The following SGK3 variants were observed in gnomAD, a reference collection of about 807,000 sequenced individuals.
SGK3 encodes the protein serum/glucocorticoid regulated kinase family member 3.
In SGK3, 47 loss-of-function variants were observed where a neutral mutation model predicts 68.5. The ratio of observed to expected loss-of-function variants is 0.69; its 90% CI spans 0.54 to 0.87. The LOEUF is 0.87. SGK3 is among the 40% of genes least tolerant of loss of function. The pLI, the probability that SGK3 is intolerant of heterozygous loss-of-function variation, is 0.00. For synonymous variants in SGK3, 181 were observed against 189.1 expected, an observed-to-expected ratio of 0.96 and a Z score of 0.35; for missense variants, 479 against 575.5, an observed-to-expected ratio of 0.83 and a Z score of 1.72.
intron 10 of SGK3, among the ~76,000 whole-genome samples, chr8:66,836,460 G>A (rs1809536895): frequency 6.6e-6 from 1 of 152,104 alleles, no homozygotes; most frequent in Non-Finnish European, 1.5e-5. Context: ...TTAATCAGAT[G>A]AGATAATCCT....
intron 6 of SGK3, 92 bp from the exon 7 acceptor site, chr8:66,828,562 T>C: frequency 6.4e-7 from 1 of 1,569,132 alleles, no homozygotes; most frequent in Non-Finnish European, 8.7e-7. Flanking sequence ...AACCAAATAT[T>C]TGTGGTACAG....
chr8:66,841,684 G>C (rs946298925), intron 13 of SGK3, among the ~76,000 whole-genome samples: 2 of 152,054 alleles, frequency 1.3e-5, no homozygotes, highest in Admixed American at 6.6e-5. Flanking sequence ...GAAATATTTT[G>C]TAACAAAATT....
At chr8:66,843,681 C>A in intron 14 of SGK3, 134 bp downstream of exon 14, 2 of 890,604 alleles carry the variant, frequency 2.2e-6, no homozygotes, top group Non-Finnish European at 3.3e-6. Context: ...TAAATGAACC[C>A]AAACCCACAT....
At position 66,832,290 on chromosome 8, in the gene SGK3, A is replaced by G. The variant is rs532688788; in HGVS notation, c.525+979A>G. ...TAGATGAAGTTATCAGAATCATCGA[A>G]TATATTTAAGTGCTTTTTTTACAGT... On this transcript the variant is annotated intron_variant, in intron 8 of 16. Transcript: ENST00000521198. 1.3e-5 allele frequency among the ~76,000 whole-genome samples: 2 copies of G among 152,210 alleles called. 1 individual carries two copies. Among genetic ancestry groups the G allele is most frequent in the African/African-American group, 4.8e-5 (2 of 41,448 alleles).
intron 1 of SGK3, among the ~76,000 whole-genome samples, chr8:66,761,760 C>T (rs1366379005): frequency 6.6e-6 from 1 of 151,776 alleles, no homozygotes; most frequent in East Asian, 1.9e-4. Flanking sequence ...CAGAGTGAGA[C>T]TCTCTCTAAA....
chr8:66,844,695 A>G (rs1809936896), intron 14 of SGK3, among the ~76,000 whole-genome samples: 1 of 152,210 alleles, frequency 6.6e-6, no homozygotes, highest in African/African-American at 2.4e-5. Context: ...GTTAAATGCC[A>G]CTGTCAGCCA....
intron 3 of SGK3, among the ~76,000 whole-genome samples, chr8:66,803,218 C>G (rs781310200): frequency 6.6e-6 from 1 of 152,100 alleles, no homozygotes; most frequent in African/African-American, 2.4e-5. Context: ...ACGTATTTTT[C>G]AGTCTGCATT....
At chr8:66,793,111 T>C (rs542833287) in intron 1 of SGK3, among the ~76,000 whole-genome samples, 2 of 152,348 alleles carry the variant, frequency 1.3e-5, no homozygotes, top group Admixed American at 1.3e-4. Flanking sequence ...TCCACAGTTA[T>C]AATGCAGCAT....
chr8:66,839,977 CCCCA>C, intron 10 of SGK3, 22 bp from the exon 11 acceptor site: 1 of 1,597,730 alleles, frequency 6.3e-7, no homozygotes. Context: ...TTCTCTCTCC[CCCCA>C]CCCCCACAAC....
chr8:66,727,478 T>C (rs532974114), intron 1 of SGK3, among the ~76,000 whole-genome samples: 5 of 152,278 alleles, frequency 3.3e-5, no homozygotes, highest in Admixed American at 2.6e-4. Flanking sequence ...GATGGTGGTA[T>C]GGTCTGGATG....
intron 1 of SGK3, among the ~76,000 whole-genome samples, chr8:66,726,337 G>A (rs191689479): frequency 1.4e-4 from 22 of 152,276 alleles, no homozygotes; most frequent in Admixed American, 1.4e-3. Context: ...AGGCAGAGCT[G>A]ACCTGAATAG....
Position 66,841,111 on chromosome 8 carries a change from G to T in SGK3, c.978+1G>T. Reference sequence around the variant, plus strand: ...TACCACATTTTGTGGGACACCAGAGGTAAGAAATATATCTCATTGTCATTT... The same window carrying T: ...TACCACATTTTGTGGGACACCAGAGTTAAGAAATATATCTCATTGTCATTT... On this transcript the variant is annotated splice_donor_variant, in intron 13 of 16. Coordinates refer to ENST00000521198, the MANE Select transcript of SGK3 (RefSeq NM_001033578.3). LOFTEE classifies it high-confidence loss of function. 2 of 1,576,744 alleles carry T rather than the reference G, an allele frequency of 1.3e-6. No individual in the cohort carries two copies. The highest frequency in any genetic ancestry group is 1.7e-6 in the Non-Finnish European group (2 of 1,163,432).
At chr8:66,740,701 G>A (rs1211574858) in intron 1 of SGK3, among the ~76,000 whole-genome samples, 8 of 152,140 alleles carry the variant, frequency 5.3e-5, no homozygotes, top group Non-Finnish European at 1.0e-4. Flanking sequence ...GAGGTCAGGA[G>A]GTCAAGACCA....
intron 16 of SGK3, among the ~76,000 whole-genome samples, chr8:66,855,284 C>T (rs1810467633): frequency 6.6e-6 from 1 of 152,134 alleles, no homozygotes; most frequent in South Asian, 2.1e-4. Context: ...CTCACTGAAA[C>T]CTCCGCCTCC....
intron 1 of SGK3, among the ~76,000 whole-genome samples, chr8:66,761,855 T>C (rs1033699746): frequency 5.9e-5 from 9 of 152,304 alleles, no homozygotes; most frequent in African/African-American, 1.4e-4. Flanking sequence ...GTCATCTGAA[T>C]AGTATAATTA....
In SGK3 at chr8:66,772,880, A is replaced by T. The variant is rs548296488; in HGVS notation, c.-121-20736A>T. Among the ~76,000 whole-genome samples the T allele has an allele frequency of 8.5e-5, 13 of 152,232 alleles. No homozygotes were observed. In the South Asian group the frequency reaches 2.7e-3, roughly 32 times the overall value. On this transcript the variant is annotated intron_variant, in intron 1 of 16. Coordinates refer to ENST00000521198, the MANE Select transcript of SGK3 (RefSeq NM_001033578.3). ...GTGATCTGCCTGCCTCGGCCTCCCAAAGTGCTGGGATTACAGGTGTGAGCC... is the reference window on the plus strand; with the variant it reads ...GTGATCTGCCTGCCTCGGCCTCCCATAGTGCTGGGATTACAGGTGTGAGCC...
At chr8:66,848,444 TTTC>T (rs1219684958) in intron 15 of SGK3, among the ~76,000 whole-genome samples, 3 of 152,208 alleles carry the variant, frequency 2.0e-5, no homozygotes, top group Non-Finnish European at 4.4e-5. Context: ...CCAGATTCCT[TTTC>T]TTCTTCTTCA....
chr8:66,812,449 C>T (rs561940619), intron 4 of SGK3, among the ~76,000 whole-genome samples: 12 of 151,620 alleles, frequency 7.9e-5, no homozygotes, highest in South Asian at 2.1e-4. Context: ...CCCAGCTACT[C>T]GGGAGGCTGA....
chr8:66,785,298 C>T (rs1807154609), intron 1 of SGK3, among the ~76,000 whole-genome samples: 1 of 152,194 alleles, frequency 6.6e-6, no homozygotes, highest in South Asian at 2.1e-4. Context: ...AGCCACGTGA[C>T]CATGTGGAAC....
Sources: allele counts gnomAD v4.1 joint callset (sites outside exome capture counted in the v4.1 genomes callset), GRCh38; gene constraint gnomAD v4.1.1; transcripts MANE v1.5; gene names NCBI Gene and HGNC (gene_info 2026-07-23, HGNC 2026-07-21).